Variants in NLRP11 observed in about 807,000 individuals in gnomAD.
NLRP11 encodes the protein NACHT, LRR and PYD domains-containing protein 11.
A neutral mutation model predicts 79.3 loss-of-function variants in NLRP11; 53 were observed. The ratio of observed to expected loss-of-function variants is 0.67; its 90% CI spans 0.54 to 0.84. The LOEUF is 0.84. NLRP11 is among the 40% of genes least tolerant of loss of function. NLRP11 has a pLI of 0.00. For missense variants in NLRP11, 1,264 were observed against 1,255.0 expected, an observed-to-expected ratio of 1.01 and a Z score of -0.11; for synonymous variants, 518 against 462.6, an observed-to-expected ratio of 1.12 and a Z score of -1.54.
intron 6 of NLRP11, 150 bp downstream of exon 6, chr19:55,795,930 G>A (rs534181725): frequency 1.3e-4 from 87 of 659,956 alleles, no homozygotes; most frequent in Admixed American, 2.0e-4. Flanking sequence ...TCAACCCAGA[G>A]TATTAACCCA....
intron 4 of NLRP11, among the ~76,000 whole-genome samples, chr19:55,802,168 G>A (rs1979542542): frequency 6.6e-6 from 1 of 152,220 alleles, no homozygotes; most frequent in African/African-American, 2.4e-5. Context: ...CCCAGCCAGA[G>A]CAATCAGGCA....
chr19:55,822,502 C>G (rs992229647), intron 1 of NLRP11, among the ~76,000 whole-genome samples: 2 of 152,058 alleles, frequency 1.3e-5, no homozygotes, highest in Admixed American at 1.3e-4. Flanking sequence ...TCTGAGGTAC[C>G]GGGTTCATCT....
In NLRP11 at chr19:55,785,896, C is replaced by G. The variant is rs749921411; in HGVS notation, c.2856-25G>C. On this transcript the variant is annotated intron_variant, in intron 9 of 9. Transcript: ENST00000589093. ...CCTGAAGGAAAACAGAGAGAGAACG[C>G]CGTTAATGCTACATGTGAGGTCTCA... The G allele has an allele frequency of 3.7e-6, 6 of 1,603,868 alleles. No homozygotes were observed. In the South Asian group the frequency reaches 6.7e-5, roughly 18 times the overall value.
chr19:55,804,408 T>C (rs531519249), intron 4 of NLRP11, among the ~76,000 whole-genome samples: 2 of 151,722 alleles, frequency 1.3e-5, no homozygotes, highest in African/African-American at 4.8e-5. Context: ...ATATATACCA[T>C]GGAATACTAT....
chr19:55,798,245 G>A (rs935093381), intron 5 of NLRP11: 18 of 807,798 alleles, frequency 2.2e-5, no homozygotes, highest in Non-Finnish European at 2.2e-5. Flanking sequence ...TGATCTGCCC[G>A]CCTCGGCCTC....
chr19:55,820,940 A>T (rs1447728319), intron 1 of NLRP11, among the ~76,000 whole-genome samples: 2 of 152,114 alleles, frequency 1.3e-5, no homozygotes, highest in Non-Finnish European at 2.9e-5. Context: ...TGCCTGCTAC[A>T]TTGGCCGTTG....
chr19:55,812,169 G>C (rs1041204530), intron 2 of NLRP11, among the ~76,000 whole-genome samples: 1 of 152,092 alleles, frequency 6.6e-6, no homozygotes, highest in Non-Finnish European at 1.5e-5. Flanking sequence ...CCAGCTTTTG[G>C]AATTAGGAGG....
intron 2 of NLRP11, among the ~76,000 whole-genome samples, chr19:55,817,631 A>C (rs924563886): frequency 6.6e-6 from 1 of 152,104 alleles, no homozygotes; most frequent in Admixed American, 6.5e-5. Context: ...GAGGATGCAA[A>C]GGCATAAGAA....
At position 55,809,311 on chromosome 19, in the gene NLRP11, C is replaced by G. The variant is rs746616716; in HGVS notation, c.1299G>C (p.Ala433=). The G allele has an allele frequency of 1.9e-6, 3 of 1,613,842 alleles. No homozygotes were observed. In the African/African-American group the frequency reaches 4.0e-5, roughly 22 times the overall value. Reference sequence around the variant, plus strand: ...GAGTGTTGCTCGGCAAAAGAATATTCGCGGCCTGCAACACAGAGACATCAG... The same window carrying G: ...GAGTGTTGCTCGGCAAAAGAATATTGGCGGCCTGCAACACAGAGACATCAG... The change falls in exon 3 of 10, where the codon GCG becomes GCC. Residue 433 remains alanine, a synonymous_variant. Coordinates refer to ENST00000589093, the Ensembl canonical transcript of NLRP11. This position sits in a 1 kb window ranked among gnomAD's most constrained non-coding sequence, Gnocchi z 4.5.
intron 2 of NLRP11, among the ~76,000 whole-genome samples, chr19:55,815,341 C>T (rs1981001732): frequency 6.6e-6 from 1 of 151,832 alleles, no homozygotes; most frequent in African/African-American, 2.4e-5. Context: ...CCAGCCTGGC[C>T]AACATAGTGA....
intron 2 of NLRP11, among the ~76,000 whole-genome samples, chr19:55,810,810 A>G (rs1312305639): frequency 1.3e-5 from 2 of 152,156 alleles, no homozygotes; most frequent in Non-Finnish European, 2.9e-5. Flanking sequence ...TATTGCTTTA[A>G]AGGAAAAAGG....
chr19:55,803,228 T>A (rs1172466621), intron 4 of NLRP11, among the ~76,000 whole-genome samples: 1 of 152,070 alleles, frequency 6.6e-6, no homozygotes, highest in Non-Finnish European at 1.5e-5. Context: ...GTGCCTGTAG[T>A]CTCAACTACT....
chr19:55,790,395 T>C (rs1218593371), intron 7 of NLRP11, among the ~76,000 whole-genome samples: 1 of 152,166 alleles, frequency 6.6e-6, no homozygotes, highest in Non-Finnish European at 1.5e-5. Flanking sequence ...TCCAGTAAGA[T>C]CTTTATAAAA....
chr19:55,803,002 T>A (rs1344452552), intron 4 of NLRP11, among the ~76,000 whole-genome samples: 1 of 152,080 alleles, frequency 6.6e-6, no homozygotes, highest in Non-Finnish European at 1.5e-5. Flanking sequence ...TCACACCACA[T>A]ACAAAAACCA....
At chr19:55,792,522 A>G (rs772543409) in intron 6 of NLRP11, 51 bp from the exon 7 acceptor site, 3 of 1,515,488 alleles carry the variant, frequency 2.0e-6, no homozygotes, top group African/African-American at 2.7e-5. Context: ...CAGAGAGGGG[A>G]GCACCTGAGA....
At chr19:55,830,585 C>A (rs995077538) in intron 1 of NLRP11, among the ~76,000 whole-genome samples, 1 of 126,512 alleles carries the variant, frequency 7.9e-6, no homozygotes, top group Non-Finnish European at 1.6e-5. Context: ...CTAGTGATGG[C>A]TTCTTAGCTT....
At position 55,810,359 on chromosome 19, in the gene NLRP11, C is replaced by T. The variant is rs1209030592; in HGVS notation, c.272-21G>A. The T allele has an allele frequency of 1.3e-5, 21 of 1,566,990 alleles. No homozygotes were observed. The South Asian group carries it at 2.5e-4, about 19-fold the overall frequency. ...ATTGCCTAATCCAGCGAGTACAGGGCAGAAAATACAGAACAAAGATGAAAG... is the reference window on the plus strand; with the variant it reads ...ATTGCCTAATCCAGCGAGTACAGGGTAGAAAATACAGAACAAAGATGAAAG... On this transcript the variant is annotated intron_variant, in intron 2 of 9. Coordinates refer to ENST00000589093, the Ensembl canonical transcript of NLRP11.
rs1343102506 is a variant in NLRP11 at position 55,827,251 on chromosome 19, T to C, written c.-63+4712A>G. Reference sequence around the variant, plus strand: ...AACTGGATCCCTTCCTTACACCTTATACAAAAATCAATTCAAGATGGATTA... The same window carrying C: ...AACTGGATCCCTTCCTTACACCTTACACAAAAATCAATTCAAGATGGATTA... On this transcript the variant is annotated intron_variant, in intron 1 of 9. Transcript: ENST00000589093. Among the ~76,000 whole-genome samples the C allele has an allele frequency of 2.8e-5, 4 of 142,036 alleles. No homozygotes were observed. The East Asian group carries it at 9.1e-4, about 32-fold the overall frequency. 93.2% of individuals were successfully genotyped at this position (142,036 alleles called of 152,430 possible).
intron 5 of NLRP11, chr19:55,798,262 T>C (rs1216724822): frequency 3.2e-6 from 3 of 929,664 alleles, no homozygotes; most frequent in East Asian, 1.2e-4. Flanking sequence ...CCTCCCAAAG[T>C]GTTGGGATTC....
Sources: gnomAD v4.1 joint callset for allele counts (sites outside exome capture counted in the v4.1 genomes callset) on GRCh38, gnomAD v4.1.1 for gene constraint, Gnocchi (gnomAD v3.1) non-coding constraint, MANE v1.5 for transcripts, NCBI Gene and HGNC (gene_info 2026-07-23, HGNC 2026-07-21) for gene names.